EDA2R: variants seen among roughly 807,000 people sequenced by gnomAD.
The protein encoded by EDA2R is ectodysplasin A2 receptor.
In EDA2R, 26 loss-of-function variants were observed where a neutral mutation model predicts 20.1. That is an observed-to-expected ratio of 1.30 (90% confidence interval 0.95 to 1.80). The LOEUF (loss-of-function observed/expected upper bound fraction) is 1.80. Ranked by LOEUF, EDA2R falls within the 40% of genes most tolerant of loss-of-function variation. The pLI is 0.00. For synonymous variants in EDA2R, 114 were observed against 88.7 expected, an observed-to-expected ratio of 1.29 and a Z score of -1.60; for missense variants, 277 against 228.7, an observed-to-expected ratio of 1.21 and a Z score of -1.36.
chrX:66,619,081 C>T (rs1301278260), intron 1 of EDA2R, among the ~76,000 whole-genome samples: 1 of 111,387 alleles, frequency 9.0e-6, no homozygotes, highest in Non-Finnish European at 1.9e-5. Context: ...AAAAGGAGTG[C>T]ACATTTGTCA....
intron 1 of EDA2R, among the ~76,000 whole-genome samples, chrX:66,616,611 G>A (rs1313097119): frequency 3.5e-5 from 4 of 112,717 alleles, no homozygotes; most frequent in Admixed American, 9.3e-5. Context: ...ACCAATACCT[G>A]CCATAGCTTC....
chrX:66,608,071 G>A (rs979278872), intron 2 of EDA2R, among the ~76,000 whole-genome samples: 1 of 111,775 alleles, frequency 8.9e-6, no homozygotes, highest in Non-Finnish European at 1.9e-5. Flanking sequence ...TAAAAAGTAA[G>A]ATAAATGAAA....
chrX:66,627,095 C>T (rs1467009426), intron 1 of EDA2R, among the ~76,000 whole-genome samples: 1 of 111,927 alleles, frequency 8.9e-6, no homozygotes, highest in African/African-American at 3.3e-5. Flanking sequence ...ACCAAACCAC[C>T]ACTACAAGAA....
At chrX:66,621,167 C>T (rs1932555148) in intron 1 of EDA2R, among the ~76,000 whole-genome samples, 1 of 110,518 alleles carries the variant, frequency 9.0e-6, no homozygotes, top group South Asian at 3.9e-4. Context: ...ATCCCAGCTA[C>T]TTGGGAGGCT....
At chrX:66,623,439 C>T (rs1164676368) in intron 1 of EDA2R, among the ~76,000 whole-genome samples, 1 of 111,424 alleles carries the variant, frequency 9.0e-6, no homozygotes, top group East Asian at 2.8e-4. Flanking sequence ...CTCATAATAT[C>T]ACATAAGTCC....
In EDA2R at chrX:66,605,007, A is replaced by G. The variant is rs188248908; in HGVS notation, c.266+41T>C. On this transcript the variant is annotated intron_variant, in intron 3 of 6. Transcript: ENST00000374719. ...AGGATGGGAGAAACCTCCAACAGCT[A>G]GAAAAGCCCAGACAAGCTTGGTCTC... The G allele has an allele frequency of 8.3e-5, 93 of 1,125,767 alleles. No homozygotes were observed. In the Admixed American group the frequency reaches 2.0e-3, roughly 24 times the overall value. 92.8% of individuals were successfully genotyped at this position (1,125,767 alleles called of 1,213,427 possible).
At chrX:66,617,132 GTC>G (rs1429358513) in intron 1 of EDA2R, among the ~76,000 whole-genome samples, 8 of 112,068 alleles carry the variant, frequency 7.1e-5, no homozygotes, top group African/African-American at 2.6e-4. Context: ...AAGTGCCAAA[GTC>G]CTAAATGTGT....
chrX:66,603,766 T>C (rs1929098336), intron 4 of EDA2R, among the ~76,000 whole-genome samples: 2 of 111,882 alleles, frequency 1.8e-5, no homozygotes, highest in African/African-American at 6.5e-5. Flanking sequence ...ATTATATCTG[T>C]GGAATCTTTA....
intron 1 of EDA2R, among the ~76,000 whole-genome samples, chrX:66,624,985 C>T (rs1220949946): frequency 9.0e-6 from 1 of 111,649 alleles, no homozygotes; most frequent in East Asian, 2.8e-4. Context: ...GAGAGCTGAG[C>T]AAAATACAGG....
chrX:66,599,790 C>T lies in EDA2R; in HGVS notation c.588G>A (p.Lys196=), dbSNP rs1928203378. 8.3e-7 allele frequency: 1 copy of T among 1,209,690 alleles called. No homozygotes were observed. Among genetic ancestry groups the T allele is most frequent in the Non-Finnish European group, 1.1e-6 (1 of 894,619 alleles). ...EESLFPVPPS[K]ETSAESQVSE... ...TCACTTGGGACTCAGCACTGGTCTC[C>T]TTGCTGGGTGGCACGGGGAAGAGAG... The change falls in exon 6 of 7, where the codon AAG becomes AAA. Residue 196 remains lysine, a synonymous_variant. Transcript: ENST00000374719.
intron 2 of EDA2R, among the ~76,000 whole-genome samples, chrX:66,613,689 A>G (rs1274308157): frequency 9.0e-6 from 1 of 111,707 alleles, no homozygotes; most frequent in Non-Finnish European, 1.9e-5. Flanking sequence ...AATTAGTATA[A>G]ACAAAATTCA....
chrX:66,627,552 A>G (rs920083660), intron 1 of EDA2R, among the ~76,000 whole-genome samples: 5 of 112,609 alleles, frequency 4.4e-5, no homozygotes, highest in Non-Finnish European at 7.5e-5. Context: ...TTATATCATC[A>G]TACAAGTCCT....
chrX:66,604,200 C>T (rs1929202238), intron 4 of EDA2R, among the ~76,000 whole-genome samples: 1 of 111,952 alleles, frequency 8.9e-6, no homozygotes, highest in Admixed American at 9.5e-5. Flanking sequence ...ATTATCATGA[C>T]TCACCCTTTT....
rs373543327 is a variant in EDA2R at position 66,616,428 on chromosome X, C to T, written c.-10-398G>A. ...AGGGGGTAAAGAATAATCACAATCC[C>T]TCATGTGTGAACAGATCATAACAAT... On this transcript the variant is annotated intron_variant, in intron 1 of 6. Coordinates refer to ENST00000374719, the MANE Select transcript of EDA2R (RefSeq NM_021783.5). Among the ~76,000 whole-genome samples, 18 of 112,197 alleles carry T rather than the reference C, an allele frequency of 1.6e-4. 1 individual carries two copies. Among genetic ancestry groups the T allele is most frequent in the Admixed American group, 1.4e-3 (15 of 10,614 alleles).
chrX:66,605,962 T>C (rs1043842487), intron 2 of EDA2R, among the ~76,000 whole-genome samples: 1 of 112,284 alleles, frequency 8.9e-6, no homozygotes, highest in Non-Finnish European at 1.9e-5. Flanking sequence ...ATGGTATAGA[T>C]GAGAGGCAAA....
intron 1 of EDA2R, among the ~76,000 whole-genome samples, chrX:66,638,253 AGAG>A (rs1271643643): frequency 9.0e-6 from 1 of 111,530 alleles, no homozygotes; most frequent in Admixed American, 9.5e-5. Flanking sequence ...AGAAAAGAAC[AGAG>A]GAGTTATCTA....
At chrX:66,614,256 A>C (rs1569239155) in intron 2 of EDA2R, among the ~76,000 whole-genome samples, 1 of 112,026 alleles carries the variant, frequency 8.9e-6, no homozygotes, top group Non-Finnish European at 1.9e-5. Flanking sequence ...AGAACAAAAC[A>C]GCAAGATGTC....
At chrX:66,608,400 C>CA (rs1930080873) in intron 2 of EDA2R, among the ~76,000 whole-genome samples, 1 of 111,272 alleles carries the variant, frequency 9.0e-6, no homozygotes. Context: ...GATACACTAT[C>CA]AAAAAATGTT....
chrX:66,611,591 T>A (rs1012856705), intron 2 of EDA2R, among the ~76,000 whole-genome samples: 1 of 111,036 alleles, frequency 9.0e-6, no homozygotes, highest in Non-Finnish European at 1.9e-5. Flanking sequence ...AGACAGATGA[T>A]AGAATCAGTG....
Sources: gnomAD v4.1 joint callset for allele counts (sites outside exome capture counted in the v4.1 genomes callset) on GRCh38, gnomAD v4.1.1 for gene constraint, MANE v1.5 for transcripts, NCBI Gene and HGNC (gene_info 2026-07-23, HGNC 2026-07-21) for gene names.